Variants in PGPEP1L observed in about 807,000 individuals in gnomAD.
PGPEP1L encodes the protein pyroglutamyl-peptidase 1-like protein.
In PGPEP1L, 7 loss-of-function variants were observed where a neutral mutation model predicts 6.0. The observed-to-expected ratio is 1.17, with a 90% CI of 0.66 to 2.19. The LOEUF is 2.19. PGPEP1L is among the 30% of genes most tolerant of loss of function. The pLI, the probability that PGPEP1L is intolerant of heterozygous loss-of-function variation, is 0.00. For missense variants in PGPEP1L, 209 were observed against 192.5 expected, an observed-to-expected ratio of 1.09 and a Z score of -0.51; for synonymous variants, 103 against 83.9, an observed-to-expected ratio of 1.23 and a Z score of -1.24.
intron 4 of PGPEP1L, 123 bp downstream of exon 4, chr15:98,969,302 G>A (rs2017453790): frequency 2.5e-6 from 3 of 1,205,432 alleles, no homozygotes; most frequent in Non-Finnish European, 3.6e-6. Context: ...CAATCTGGGG[G>A]CGGCACCGCA....
intron 2 of PGPEP1L, among the ~76,000 whole-genome samples, chr15:98,984,921 T>C (rs985594345): frequency 6.6e-6 from 1 of 152,110 alleles, no homozygotes; most frequent in African/African-American, 2.4e-5. Context: ...ACCGGAACCC[T>C]GGACGTGGGC....
At chr15:99,006,041 G>GA (rs1159434586) in intron 1 of PGPEP1L, among the ~76,000 whole-genome samples, 36 of 151,994 alleles carry the variant, frequency 2.4e-4, no homozygotes, top group East Asian at 7.7e-4. Flanking sequence ...GATGTGAGCA[G>GA]AAAAAAAAGA....
chr15:99,005,885 AG>A (rs1292439118), intron 1 of PGPEP1L, among the ~76,000 whole-genome samples: 1 of 152,194 alleles, frequency 6.6e-6, no homozygotes, highest in Non-Finnish European at 1.5e-5. Context: ...GTACTGTCCT[AG>A]GAACTGTGGG....
At chr15:98,982,700 C>CTTGTTTTTTTTTTTT (rs2017682794) in intron 2 of PGPEP1L, among the ~76,000 whole-genome samples, 2 of 52,458 alleles carry the variant, frequency 3.8e-5, no homozygotes, top group Non-Finnish European at 8.4e-5. Flanking sequence ...TTATCTGAGG[C>CTTGTTTTTTTTTTTT]TTTTTTTTTT....
chr15:99,004,797 A>G (rs140557016), intron 2 of PGPEP1L, among the ~76,000 whole-genome samples: 5 of 151,990 alleles, frequency 3.3e-5, no homozygotes, highest in Non-Finnish European at 5.9e-5. Flanking sequence ...TGGTGAGGCA[A>G]GTGTGGGTGG....
chr15:98,969,731 C>G, intron 3 of PGPEP1L, 80 bp from the exon 4 acceptor site: 1 of 1,432,504 alleles, frequency 7.0e-7, no homozygotes. Context: ...AGGGGCCACT[C>G]CTTTTGAGAG....
At chr15:99,002,920 A>G (rs1167301929) in intron 2 of PGPEP1L, among the ~76,000 whole-genome samples, 3 of 152,192 alleles carry the variant, frequency 2.0e-5, no homozygotes, top group Admixed American at 6.5e-5. Context: ...GTCTCTGAGA[A>G]CCCAGCTCCC....
intron 2 of PGPEP1L, among the ~76,000 whole-genome samples, chr15:98,981,949 A>G (rs917860996): frequency 2.0e-5 from 3 of 152,224 alleles, no homozygotes; most frequent in Non-Finnish European, 2.9e-5. Flanking sequence ...GACCCACAGT[A>G]ACATCCGGGA....
rs566935600 is a variant in PGPEP1L, at chr15:98,990,931, A to G, written c.-142+14498T>C. 2.0e-5 allele frequency among the ~76,000 whole-genome samples: 3 copies of G among 152,338 alleles called. No individual in the cohort carries two copies. In the East Asian group the frequency reaches 5.8e-4, roughly 29 times the overall value. On this transcript the variant is annotated intron_variant, in intron 2 of 4. Coordinates refer to ENST00000535714, the MANE Select transcript of PGPEP1L (RefSeq NM_001167902.2). ...TGAAACCAATGAGAACAAAGATACA[A>G]CGTACCAGAATCTCTGGGACACATT...
chr15:98,973,837 G>T (rs150192123), intron 2 of PGPEP1L, among the ~76,000 whole-genome samples: 1 of 152,086 alleles, frequency 6.6e-6, no homozygotes, highest in African/African-American at 2.4e-5. Context: ...TAGAAGGAAA[G>T]AAATAATAAA....
Position 98,968,621 on chromosome 15 carries a change from G to C in PGPEP1L, c.286C>G (p.Leu96Val). ...GCAALIHVPP[L>V]SRGLPASLLG... is the part of the protein sequence containing the mutation. The stretch of plus-strand genomic sequence containing the variant: ...AGGCTGGCCGGGAGCCCGCGCGATA[G>C]TGGAGGGACATGGATGAGTGCCGCG... Residue 96 changes from leucine to valine, a missense_variant, in exon 5 of 5, where the codon CTA becomes GTA. Coordinates refer to ENST00000535714, the MANE Select transcript of PGPEP1L (RefSeq NM_001167902.2). 6.2e-7 allele frequency: 1 copy of C among 1,604,880 alleles called. No homozygotes were observed. The highest frequency in any genetic ancestry group is 2.2e-5 in the East Asian group (1 of 44,608).
At chr15:98,997,814 G>C (rs1015064033) in intron 2 of PGPEP1L, among the ~76,000 whole-genome samples, 1 of 152,100 alleles carries the variant, frequency 6.6e-6, no homozygotes, top group Non-Finnish European at 1.5e-5. Context: ...AAGGGACACA[G>C]ACAATAGAAA....
At chr15:98,985,566 A>G (rs2017736070) in intron 2 of PGPEP1L, among the ~76,000 whole-genome samples, 1 of 152,076 alleles carries the variant, frequency 6.6e-6, no homozygotes, top group Non-Finnish European at 1.5e-5. Context: ...ACCAAACAAA[A>G]AACCCACTCT....
intron 2 of PGPEP1L, among the ~76,000 whole-genome samples, chr15:98,989,232 C>G (rs142312882): frequency 6.6e-6 from 1 of 151,964 alleles, no homozygotes; most frequent in Non-Finnish European, 1.5e-5. Context: ...AGCTAAGAAC[C>G]TTGAAAAAAG....
chr15:98,993,474 T>C (rs1324884482), intron 2 of PGPEP1L, among the ~76,000 whole-genome samples: 1 of 152,156 alleles, frequency 6.6e-6, no homozygotes, highest in African/African-American at 2.4e-5. Flanking sequence ...TTTGGAGAAA[T>C]AGGAATACTT....
rs530631718 is a variant in PGPEP1L at position 98,974,670 on chromosome 15, G to T, written c.-141-3512C>A. On this transcript the variant is annotated intron_variant, in intron 2 of 4. Transcript: ENST00000535714. ...CCAGCACTTTGGGAGGCCAAGGCGG[G>T]TGGATCACCTGAAGTTGAGAGTTCA... 8.5e-5 allele frequency among the ~76,000 whole-genome samples: 13 copies of T among 152,328 alleles called. No homozygotes were observed. The South Asian group carries it at 2.5e-3, about 29-fold the overall frequency.
At chr15:98,983,800 T>G (rs1418420786) in intron 2 of PGPEP1L, among the ~76,000 whole-genome samples, 1 of 152,190 alleles carries the variant, frequency 6.6e-6, no homozygotes, top group African/African-American at 2.4e-5. Context: ...ACTTTTAGCA[T>G]GTATAATAAT....
intron 3 of PGPEP1L, 116 bp downstream of exon 3, chr15:98,970,920 G>A: frequency 6.9e-7 from 1 of 1,450,050 alleles, no homozygotes; most frequent in Non-Finnish European, 9.2e-7. Context: ...ATGACTGGTG[G>A]GGCCTGGGGA....
intron 2 of PGPEP1L, among the ~76,000 whole-genome samples, chr15:98,989,820 C>A (rs557693069): frequency 5.9e-5 from 9 of 152,230 alleles, no homozygotes; most frequent in African/African-American, 1.9e-4. Flanking sequence ...GAGTGGGGGC[C>A]AATATTCAAC....
Sources: allele counts gnomAD v4.1 joint callset (sites outside exome capture counted in the v4.1 genomes callset), GRCh38; gene constraint gnomAD v4.1.1; transcripts MANE v1.5; gene names NCBI Gene and HGNC (gene_info 2026-07-23, HGNC 2026-07-21).